DIAPH3: variants seen among roughly 807,000 people sequenced by gnomAD.
The protein encoded by DIAPH3 is diaphanous related formin 3.
Under a neutral mutation model 144.3 loss-of-function variants are expected in DIAPH3, and 117 were observed. That is an observed-to-expected ratio of 0.81 (90% CI 0.70 to 0.95). The LOEUF (loss-of-function observed/expected upper bound fraction) is 0.95, where lower values mean the gene tolerates loss of function less well. Among genes scored for constraint, DIAPH3 ranks in the 40% least tolerant of loss-of-function variants. The pLI is 0.00. For synonymous variants in DIAPH3, 519 were observed against 488.9 expected (o/e 1.06, Z -0.81); for missense variants, 1,421 against 1,412.7 (o/e 1.01, Z -0.09).
intron 27 of DIAPH3, among the ~76,000 whole-genome samples, chr13:59,704,598 A>G (rs2034311100): frequency 6.6e-6 from 1 of 152,232 alleles, no homozygotes; most frequent in African/African-American, 2.4e-5. Context: ...CCCGTAAGAC[A>G]AAACTGCATT....
At chr13:60,132,501 T>C (rs1056995798) in intron 2 of DIAPH3, among the ~76,000 whole-genome samples, 1 of 152,198 alleles carries the variant, frequency 6.6e-6, no homozygotes, top group Non-Finnish European at 1.5e-5. Flanking sequence ...AGAAGCCCTA[T>C]TATTTTCAAC....
At chr13:60,067,909 G>A (rs1448553386) in intron 4 of DIAPH3, among the ~76,000 whole-genome samples, 1 of 151,814 alleles carries the variant, frequency 6.6e-6, no homozygotes, top group African/African-American at 2.4e-5. Context: ...TCCTATATAG[G>A]TGTGTGCATG....
intron 9 of DIAPH3, among the ~76,000 whole-genome samples, chr13:60,003,626 T>C (rs965804838): frequency 3.3e-5 from 5 of 151,806 alleles, no homozygotes; most frequent in African/African-American, 1.2e-4. Context: ...CAGGCTGGAG[T>C]GCAGTGGCGC....
At chr13:59,909,100 G>T (rs1456673666) in intron 20 of DIAPH3, among the ~76,000 whole-genome samples, 1 of 152,032 alleles carries the variant, frequency 6.6e-6, no homozygotes, top group East Asian at 1.9e-4. Context: ...GCCCATTTTT[G>T]ATACAAACAC....
intron 27 of DIAPH3, among the ~76,000 whole-genome samples, chr13:59,771,837 C>A (rs1016340879): frequency 8.6e-5 from 13 of 151,878 alleles, no homozygotes; most frequent in Non-Finnish European, 1.9e-4. Context: ...GGGTAATATG[C>A]ATAAAATATT....
Position 59,992,556 on chromosome 13 carries a change from G to A in DIAPH3, c.1042C>T (p.Leu348=). Residue 348 remains leucine, a synonymous_variant, in exon 10 of 28, where the codon CTG becomes TTG. Coordinates refer to ENST00000400324, the MANE Select transcript of DIAPH3 (RefSeq NM_001042517.2). The part of the protein sequence containing the change: ...QVACMQLINA[L]VTSPDDLDFR... ...TCCAAATCATCAGGAGATGTAACCA[G>A]GGCATTGATGAGCTGCATACAAGCT... 1.9e-6 allele frequency: 3 copies of A among 1,611,994 alleles called. No homozygotes were observed. The highest frequency in any genetic ancestry group is 2.5e-6 in the Non-Finnish European group (3 of 1,179,024).
intron 3 of DIAPH3, among the ~76,000 whole-genome samples, chr13:60,102,116 T>C (rs1335131462): frequency 6.6e-6 from 1 of 152,176 alleles, no homozygotes; most frequent in Non-Finnish European, 1.5e-5. Flanking sequence ...CTACTATCTT[T>C]CCCTACCCAA....
At chr13:60,136,077 CAAG>C (rs1358227517) in intron 1 of DIAPH3, among the ~76,000 whole-genome samples, 1 of 151,892 alleles carries the variant, frequency 6.6e-6, no homozygotes, top group East Asian at 1.9e-4. Flanking sequence ...TAGAAATTGC[CAAG>C]AAGAGGGAGA....
At chr13:59,986,798 T>C (rs1165477104) in intron 12 of DIAPH3, among the ~76,000 whole-genome samples, 3 of 150,192 alleles carry the variant, frequency 2.0e-5, no homozygotes, top group Non-Finnish European at 3.0e-5. Context: ...CCAGTTAGAA[T>C]GGCAATCATT....
chr13:60,084,956 T>A (rs1217722748), intron 4 of DIAPH3, among the ~76,000 whole-genome samples: 2 of 152,144 alleles, frequency 1.3e-5, no homozygotes, highest in African/African-American at 4.8e-5. Flanking sequence ...ATTAAGGATT[T>A]TTTTTTAAGT....
intron 25 of DIAPH3, among the ~76,000 whole-genome samples, chr13:59,806,959 C>A (rs2040228629): frequency 6.6e-6 from 1 of 151,626 alleles, no homozygotes; most frequent in Non-Finnish European, 1.5e-5. Flanking sequence ...ACACTAGTAA[C>A]CTCTATTTCA....
At chr13:59,896,234 T>C (rs1267610710) in intron 20 of DIAPH3, among the ~76,000 whole-genome samples, 2 of 152,226 alleles carry the variant, frequency 1.3e-5, no homozygotes, top group Non-Finnish European at 2.9e-5. Context: ...ATATGTCATA[T>C]ACATGTATAT....
intron 17 of DIAPH3, among the ~76,000 whole-genome samples, chr13:59,928,172 A>G (rs1404523734): frequency 2.0e-5 from 3 of 152,096 alleles, no homozygotes; most frequent in Non-Finnish European, 4.4e-5. Flanking sequence ...CTACTGATGA[A>G]GGTCTTGATT....
chr13:59,982,268 T>A (rs567187625), intron 13 of DIAPH3, among the ~76,000 whole-genome samples: 3 of 151,544 alleles, frequency 2.0e-5, no homozygotes, highest in East Asian at 3.9e-4. Flanking sequence ...TATTTCCTTC[T>A]CAAGAGCTCA....
At chr13:59,958,874 T>A (rs888500491) in intron 17 of DIAPH3, among the ~76,000 whole-genome samples, 1 of 143,310 alleles carries the variant, frequency 7.0e-6, no homozygotes, top group Non-Finnish European at 1.5e-5. Context: ...AAACTTTTTT[T>A]TTTTTTTTTT....
chr13:60,146,172 C>T (rs1418794068), intron 1 of DIAPH3, among the ~76,000 whole-genome samples: 3 of 152,224 alleles, frequency 2.0e-5, no homozygotes, highest in Admixed American at 6.5e-5. Context: ...TCCAGTACTA[C>T]GCATAAGATG....
intron 27 of DIAPH3, among the ~76,000 whole-genome samples, chr13:59,746,275 T>C (rs535133414): frequency 2.0e-5 from 3 of 152,236 alleles, no homozygotes; most frequent in African/African-American, 7.2e-5. Context: ...CAGGCTAGAA[T>C]GTAGTGATAA....
Position 59,751,987 on chromosome 13 carries a change from A to G in DIAPH3, c.3319+22202T>C, listed in dbSNP as rs546000695. Among the ~76,000 whole-genome samples, 17 of 152,354 alleles carry G rather than the reference A, an allele frequency of 1.1e-4. No individual in the cohort carries two copies. In the South Asian group the frequency reaches 3.5e-3, roughly 32 times the overall value. ...CAAGAAGCAGGATATATTCACAGGC[A>G]ACACAGGACAATGGGGCTAGCAGGT... On this transcript the variant is annotated intron_variant, in intron 27 of 27. Transcript: ENST00000400324.
chr13:59,770,664 G>T (rs1227888005), intron 27 of DIAPH3, among the ~76,000 whole-genome samples: 1 of 152,096 alleles, frequency 6.6e-6, no homozygotes, highest in Non-Finnish European at 1.5e-5. Context: ...GTCTCAGCTT[G>T]CATTTCAGAT....
Sources: gnomAD v4.1 joint callset for allele counts (sites outside exome capture counted in the v4.1 genomes callset) on GRCh38, gnomAD v4.1.1 for gene constraint, MANE v1.5 for transcripts, NCBI Gene and HGNC (gene_info 2026-07-23, HGNC 2026-07-21) for gene names.